DPYSL3: variants seen among roughly 807,000 people sequenced by gnomAD.
DPYSL3 encodes the protein dihydropyrimidinase like 3.
DPYSL3 carries 16 observed loss-of-function variants against 66.1 expected under a neutral mutation model. The observed-to-expected ratio is 0.24, with a 90% CI of 0.16 to 0.37. The LOEUF is 0.37. Among genes scored for constraint, DPYSL3 ranks in the 10% least tolerant of loss-of-function variants. The pLI is 1.00. For missense variants in DPYSL3, 738 were observed against 916.2 expected (o/e 0.81, Z 2.51); for synonymous variants, 338 against 345.1 (o/e 0.98, Z 0.23).
chr5:147,416,441 T>G (rs1751970858), intron 3 of DPYSL3, among the ~76,000 whole-genome samples: 1 of 152,206 alleles, frequency 6.6e-6, no homozygotes, highest in Admixed American at 6.5e-5. Context: ...AGATCTTATT[T>G]CCATGGAAAC....
chr5:147,490,767 A>G (rs561916435), intron 1 of DPYSL3, among the ~76,000 whole-genome samples: 4 of 152,300 alleles, frequency 2.6e-5, no homozygotes, highest in African/African-American at 9.6e-5. Context: ...AGAAACTTCC[A>G]CAGGAAGCAG....
chr5:147,477,150 G>C (rs1008370190), intron 1 of DPYSL3, among the ~76,000 whole-genome samples: 30 of 152,150 alleles, frequency 2.0e-4, no homozygotes, highest in African/African-American at 7.0e-4. Flanking sequence ...TACAGGAAAA[G>C]AACAAGACAT....
chr5:147,506,423 A>T (rs1221285786), intron 1 of DPYSL3, among the ~76,000 whole-genome samples: 1 of 152,192 alleles, frequency 6.6e-6, no homozygotes, highest in Non-Finnish European at 1.5e-5. Context: ...TATGTTCCGT[A>T]AAAGTCCAAA....
intron 1 of DPYSL3, among the ~76,000 whole-genome samples, chr5:147,468,531 G>T (rs898987459): frequency 6.6e-6 from 1 of 152,046 alleles, no homozygotes; most frequent in African/African-American, 2.4e-5. Flanking sequence ...AGAACTTCTT[G>T]TAATATTGAA....
At chr5:147,402,769 G>T (rs1364963255) in intron 8 of DPYSL3, among the ~76,000 whole-genome samples, 1 of 152,088 alleles carries the variant, frequency 6.6e-6, no homozygotes, top group Non-Finnish European at 1.5e-5. Context: ...AAAATTAGAG[G>T]CCTAACTACC....
chr5:147,426,579 A>C (rs1752202302), intron 1 of DPYSL3, among the ~76,000 whole-genome samples: 1 of 152,168 alleles, frequency 6.6e-6, no homozygotes. Flanking sequence ...TAAGGGGTCA[A>C]GGGCAGGGAG....
intron 1 of DPYSL3, among the ~76,000 whole-genome samples, chr5:147,475,047 C>G (rs547708436): frequency 1.3e-5 from 2 of 151,952 alleles, no homozygotes; most frequent in Non-Finnish European, 2.9e-5. Flanking sequence ...TGGCAGTTTC[C>G]CAAAAGACTA....
chr5:147,474,780 T>G (rs1431528183), intron 1 of DPYSL3, among the ~76,000 whole-genome samples: 1 of 152,066 alleles, frequency 6.6e-6, no homozygotes, highest in Non-Finnish European at 1.5e-5. Flanking sequence ...AACACTTTGT[T>G]GAGATATAAC....
intron 1 of DPYSL3, among the ~76,000 whole-genome samples, chr5:147,464,246 C>T (rs1307208174): frequency 6.6e-6 from 1 of 152,038 alleles, no homozygotes; most frequent in Non-Finnish European, 1.5e-5. Flanking sequence ...GTGCTGTGTC[C>T]CAAAAGGAAG....
At chr5:147,432,570 T>A (rs926808582) in intron 1 of DPYSL3, among the ~76,000 whole-genome samples, 1 of 152,090 alleles carries the variant, frequency 6.6e-6, no homozygotes, top group African/African-American at 2.4e-5. Context: ...CAGACACAGA[T>A]AAGTACAAAT....
Position 147,394,107 on chromosome 5 carries a change from C to G in DPYSL3, c.1983G>C (p.Glu661Asp), listed in dbSNP as rs374056960. 1.1e-5 allele frequency: 18 copies of G among 1,614,144 alleles called. No individual in the cohort carries two copies. In the African/African-American group the frequency reaches 2.3e-4, roughly 20 times the overall value. Residue 661 changes from glutamate (E) to aspartate (D), a missense_variant, in exon 14 of 14, where the codon GAG becomes GAC. Glu to Asp is a conservative substitution (Grantham distance 45). Transcript: ENST00000343218. ...GFSLSGTQVD[E>D]GVRSASKRIV... ...TGCGCTTGCTGGCTGAGCGAACCCCCTCATCCACTTGGGTGCCTACAGTTG... is the reference window on the plus strand; with the variant it reads ...TGCGCTTGCTGGCTGAGCGAACCCCGTCATCCACTTGGGTGCCTACAGTTG...
chr5:147,397,900 A>ACCTT (rs1221395247), intron 11 of DPYSL3, 55 bp from the exon 12 acceptor site: 1 of 874,514 alleles, frequency 1.1e-6, no homozygotes, highest in Non-Finnish European at 1.6e-6. Flanking sequence ...AGAGGAACGT[A>ACCTT]CCTTCTCTCC....
At chr5:147,438,842 C>T (rs73794737) in intron 1 of DPYSL3, among the ~76,000 whole-genome samples, 3,765 of 152,326 alleles carry the variant, frequency 0.025, 146 homozygotes, top group African/African-American at 0.085. Flanking sequence ...TGTCAGTCAT[C>T]TCAGACACAG....
intron 1 of DPYSL3, among the ~76,000 whole-genome samples, chr5:147,496,815 G>C (rs1449330682): frequency 6.6e-6 from 1 of 151,846 alleles, no homozygotes; most frequent in Non-Finnish European, 1.5e-5. Flanking sequence ...CTGTAAACTA[G>C]TTCAACCATT....
At chr5:147,470,356 C>T (rs917878009) in intron 1 of DPYSL3, among the ~76,000 whole-genome samples, 6 of 152,098 alleles carry the variant, frequency 3.9e-5, no homozygotes, top group Admixed American at 3.9e-4. Flanking sequence ...TTACCTTTTC[C>T]GGTGCTCTGT....
At chr5:147,452,275 G>A (rs1296398634) in intron 1 of DPYSL3, among the ~76,000 whole-genome samples, 1 of 152,200 alleles carries the variant, frequency 6.6e-6, no homozygotes, top group Non-Finnish European at 1.5e-5. Flanking sequence ...AAGGGAACAA[G>A]TGCAAACAGA....
chr5:147,498,559 T>C (rs913408403), intron 1 of DPYSL3, among the ~76,000 whole-genome samples: 5 of 152,206 alleles, frequency 3.3e-5, no homozygotes, highest in Admixed American at 3.3e-4. Context: ...CCACCAACAG[T>C]GTATAAGCAT....
chr5:147,471,807 C>T (rs116799781), intron 1 of DPYSL3, among the ~76,000 whole-genome samples: 115 of 152,188 alleles, frequency 7.6e-4, no homozygotes, highest in African/African-American at 2.3e-3. Context: ...ATAACAAGAG[C>T]GTGAGAGAAT....
intron 1 of DPYSL3, among the ~76,000 whole-genome samples, chr5:147,426,431 A>G (rs1490818905): frequency 6.6e-6 from 1 of 152,120 alleles, no homozygotes; most frequent in Admixed American, 6.6e-5. Flanking sequence ...TTGAGTTTGA[A>G]TGAAAATACA....
Sources: gnomAD v4.1 joint callset for allele counts (sites outside exome capture counted in the v4.1 genomes callset) on GRCh38, gnomAD v4.1.1 for gene constraint, MANE v1.5 for transcripts, NCBI Gene and HGNC (gene_info 2026-07-23, HGNC 2026-07-21) for gene names.